The following SCARA3 variants were observed in gnomAD, a reference collection of about 807,000 sequenced individuals.
The protein encoded by SCARA3 is scavenger receptor class A member 3, also known as cellular stress response gene protein.
Under a neutral mutation model 47.0 loss-of-function variants are expected in SCARA3, and 39 were observed. The ratio of observed to expected loss-of-function variants is 0.83; its 90% CI spans 0.64 to 1.08. The LOEUF is 1.08. Ranked by LOEUF, SCARA3 falls within the 50% of genes least tolerant of loss-of-function variation. SCARA3 has a pLI of 0.00. For synonymous variants in SCARA3, 356 were observed against 334.1 expected (o/e 1.07, Z -0.71); for missense variants, 724 against 792.3 (o/e 0.91, Z 1.04).
At chr8:27,633,688 C>T (rs982924302), upstream of SCARA3, among the ~76,000 whole-genome samples, 40 of 151,886 alleles carry the variant, frequency 2.6e-4, no homozygotes, top group African/African-American at 9.2e-4. Flanking sequence ...CGGGGGCGCA[C>T]GGGCGAGGTA....
chr8:27,733,035 G>C, the SCARA3 span, among the ~76,000 whole-genome samples: 1 of 152,204 alleles, frequency 6.6e-6, no homozygotes, highest in Non-Finnish European at 1.5e-5. Context: ...AATTTTGGGA[G>C]AGCAGAGGGT....
intron 5 of SCARA3, 99 bp downstream of exon 5, chr8:27,659,638 G>A (rs1801848482): frequency 1.0e-6 from 1 of 998,770 alleles, no homozygotes; most frequent in Non-Finnish European, 1.4e-6. Context: ...AAGTACTAGT[G>A]GGCTAACACA....
downstream of SCARA3, chr8:27,676,512 A>G: frequency 6.3e-7 from 1 of 1,598,558 alleles, no homozygotes; most frequent in Non-Finnish European, 8.5e-7. Context: ...AAATCCCCTG[A>G]AGTGAGGAAC....
chr8:27,669,377 G>A (rs1179886064), intron 5 of SCARA3, among the ~76,000 whole-genome samples: 1 of 152,262 alleles, frequency 6.6e-6, no homozygotes, highest in Admixed American at 6.5e-5. Context: ...AGGAGCAGAG[G>A]TAGGGTGAAG....
At chr8:27,724,163 A>G in the SCARA3 span, among the ~76,000 whole-genome samples, 1 of 152,250 alleles carries the variant, frequency 6.6e-6, no homozygotes, top group South Asian at 2.1e-4. Context: ...TTTAGAAAAT[A>G]GTACAGCAAT....
rs369336930 is a variant in SCARA3 at position 27,658,605 on chromosome 8, C to T, written c.435C>T (p.Ala145=). Residue 145 remains alanine (A), a synonymous_variant, in exon 5 of 6, where the codon GCC becomes GCT. Coordinates refer to ENST00000301904, the MANE Select transcript of SCARA3 (RefSeq NM_016240.3). ...ELEGIQKLLL[A]QEVQLDQTLQ... ...AGGGAATTCAGAAGCTGCTTCTGGC[C>T]CAGGAGGTGCAGCTGGACCAGACCT... The T allele has an allele frequency of 8.7e-6, 14 of 1,613,996 alleles. No individual in the cohort carries two copies. The highest frequency in any genetic ancestry group is 1.6e-4 in the Middle Eastern group (1 of 6,084).
chr8:27,654,834 G>A (rs1801710513), intron 3 of SCARA3, among the ~76,000 whole-genome samples: 1 of 151,940 alleles, frequency 6.6e-6, no homozygotes, highest in African/African-American at 2.4e-5. Context: ...GAAATGAACA[G>A]GTGAATGAAT....
chr8:27,692,427 A>C, the SCARA3 span, among the ~76,000 whole-genome samples: 1 of 152,232 alleles, frequency 6.6e-6, no homozygotes, highest in South Asian at 2.1e-4. Context: ...CTCAAAAAAA[A>C]AAAAAAAAAC....
the SCARA3 span, among the ~76,000 whole-genome samples, chr8:27,709,481 G>T: frequency 6.6e-6 from 1 of 152,196 alleles, no homozygotes; most frequent in Non-Finnish European, 1.5e-5. Context: ...GGTTCTGGAG[G>T]CTCCAACCAT....
intron 1 of SCARA3, among the ~76,000 whole-genome samples, chr8:27,649,013 C>A (rs1329467330): frequency 6.6e-6 from 1 of 152,108 alleles, no homozygotes; most frequent in East Asian, 1.9e-4. Flanking sequence ...GTCTTACTTA[C>A]AGGGAGTGGG....
chr8:27,668,163 G>A (rs1355606006), intron 5 of SCARA3, among the ~76,000 whole-genome samples: 2 of 152,210 alleles, frequency 1.3e-5, no homozygotes, highest in African/African-American at 4.8e-5. Flanking sequence ...ACTCCCCAGA[G>A]CTTTCCGGGA....
intron 3 of SCARA3, among the ~76,000 whole-genome samples, chr8:27,655,754 G>A (rs519238): frequency 0.3 from 44,896 of 152,044 alleles, 7,481 homozygotes; most frequent in South Asian, 0.47. Flanking sequence ...GTCCTCAACA[G>A]TAGGAGATTC....
chr8:27,721,194 C>T, the SCARA3 span, among the ~76,000 whole-genome samples: 3 of 151,226 alleles, frequency 2.0e-5, no homozygotes, highest in African/African-American at 7.3e-5. Flanking sequence ...TTCCACCTCA[C>T]ATCAAATGCA....
intron 2 of SCARA3, 118 bp downstream of exon 2, chr8:27,649,918 C>T: frequency 1.2e-6 from 1 of 801,200 alleles, no homozygotes; most frequent in Non-Finnish European, 2.0e-6. Flanking sequence ...GGTGTCCTTT[C>T]CCCACTGCTT....
rs1271550961 is a variant in SCARA3 at position 27,651,518 on chromosome 8, G to A, written c.117G>A (p.Gly39=). 2 of 1,612,564 alleles carry A rather than the reference G, an allele frequency of 1.2e-6. No homozygotes were observed. Among genetic ancestry groups the A allele is most frequent in the South Asian group, 2.2e-5 (2 of 91,044 alleles). Residue 39 remains glycine (G), a synonymous_variant, in exon 3 of 6, where the codon GGG becomes GGA. Transcript: ENST00000301904. ...TTGTGTCCCCCACAGGCCGGCCAGG[G>A]CCCCGCTGCAGCCGCTGCCAGAAGA... The part of the protein sequence containing the change: ...TFPCTQKGRP[G]PRCSRCQKNL...
the SCARA3 span, among the ~76,000 whole-genome samples, chr8:27,687,720 G>GAAAA: frequency 6.9e-6 from 1 of 145,018 alleles, no homozygotes; most frequent in Non-Finnish European, 1.5e-5. Flanking sequence ...GCTTAACTTA[G>GAAAA]AAAAAAAAAA....
the SCARA3 span, among the ~76,000 whole-genome samples, chr8:27,718,819 G>A: frequency 2.0e-5 from 3 of 152,308 alleles, no homozygotes; most frequent in African/African-American, 4.8e-5. Flanking sequence ...TGAAGGTAAT[G>A]TATGTGTCTG....
the SCARA3 span, among the ~76,000 whole-genome samples, chr8:27,710,217 G>A: frequency 9.0e-5 from 12 of 134,066 alleles, no homozygotes; most frequent in East Asian, 2.1e-4. Flanking sequence ...GCGACAGAGC[G>A]AGACTCCGTC....
the SCARA3 span, among the ~76,000 whole-genome samples, chr8:27,713,524 G>C: frequency 2.0e-5 from 3 of 152,016 alleles, no homozygotes; most frequent in Non-Finnish European, 2.9e-5. Flanking sequence ...ATTTTCATCG[G>C]TATGTACTCA....
Sources: allele counts gnomAD v4.1 joint callset (sites outside exome capture counted in the v4.1 genomes callset), GRCh38; gene constraint gnomAD v4.1.1; transcripts MANE v1.5; gene names NCBI Gene and HGNC (gene_info 2026-07-23, HGNC 2026-07-21).